Variants in PRMT8 observed in about 807,000 individuals in gnomAD.
The protein encoded by PRMT8 is protein arginine methyltransferase 8.
A neutral mutation model predicts 47.1 loss-of-function variants in PRMT8; 7 were observed. The ratio of observed to expected loss-of-function variants is 0.15; its 90% CI spans 0.08 to 0.28. The LOEUF is 0.28. Ranked by LOEUF, PRMT8 falls within the 10% of genes least tolerant of loss-of-function variation. PRMT8 has a pLI of 1.00. For missense variants in PRMT8, 237 were observed against 505.4 expected, an observed-to-expected ratio of 0.47 and a Z score of 5.09; for synonymous variants, 188 against 186.5, an observed-to-expected ratio of 1.01 and a Z score of -0.07.
intron 4 of PRMT8, among the ~76,000 whole-genome samples, chr12:3,559,542 A>T (rs2093124807): frequency 6.6e-6 from 1 of 152,204 alleles, no homozygotes; most frequent in African/African-American, 2.4e-5. Context: ...TTCAGTGTTA[A>T]CCAATACCAT....
intron 1 of PRMT8, among the ~76,000 whole-genome samples, chr12:3,395,021 G>T (rs1864234467): frequency 6.6e-6 from 1 of 151,836 alleles, no homozygotes; most frequent in Non-Finnish European, 1.5e-5. Context: ...AGTATTCTCT[G>T]ATGGTAGTTT....
At chr12:3,531,578 T>A (rs1010594899) in intron 1 of PRMT8, among the ~76,000 whole-genome samples, 1 of 152,000 alleles carries the variant, frequency 6.6e-6, no homozygotes, top group Non-Finnish European at 1.5e-5. Context: ...GTGGGTGCAA[T>A]GCCATTTTGA....
In PRMT8 at chr12:3,576,178, C is replaced by A. The variant is rs1866940676; in HGVS notation, c.713-693C>A. Among the ~76,000 whole-genome samples the A allele has an allele frequency of 6.6e-6, 1 of 152,140 alleles. No individual in the cohort carries two copies. Among genetic ancestry groups the A allele is most frequent in the Non-Finnish European group, 1.5e-5 (1 of 68,034 alleles). ...GCTGACAAGGAGAGGGTTTGTGCTC[C>A]ACTTGGGGGTAGTTCCTAATGGGGT... On this transcript the variant is annotated intron_variant, in intron 6 of 9. Coordinates refer to ENST00000382622, the MANE Select transcript of PRMT8 (RefSeq NM_019854.5). This position sits in a 1 kb window ranked among gnomAD's most constrained non-coding sequence, Gnocchi z 4.0.
chr12:3,396,521 G>C (rs1314671608), intron 1 of PRMT8, among the ~76,000 whole-genome samples: 2 of 152,152 alleles, frequency 1.3e-5, no homozygotes, highest in African/African-American at 4.8e-5. Context: ...TCTTTTCTTT[G>C]AGAACGTTGA....
chr12:3,586,754 G>T (rs1015974920), intron 8 of PRMT8, among the ~76,000 whole-genome samples: 2 of 152,172 alleles, frequency 1.3e-5, no homozygotes, highest in Admixed American at 6.5e-5. Flanking sequence ...TGAACCAGAG[G>T]GTTGAGAATT....
chr12:3,438,576 T>C (rs895877273), intron 1 of PRMT8, among the ~76,000 whole-genome samples: 2 of 152,244 alleles, frequency 1.3e-5, no homozygotes, highest in African/African-American at 4.8e-5. Context: ...CCACGAGGCC[T>C]CAGAGCCACC....
intron 1 of PRMT8, among the ~76,000 whole-genome samples, chr12:3,484,746 C>T (rs1439065353): frequency 6.6e-6 from 1 of 152,232 alleles, no homozygotes; most frequent in African/African-American, 2.4e-5. Context: ...CTCAGCCTCC[C>T]TCACACTTTG....
chr12:3,417,909 C>A (rs943948658), intron 1 of PRMT8, among the ~76,000 whole-genome samples: 1 of 152,260 alleles, frequency 6.6e-6, no homozygotes, highest in East Asian at 1.9e-4. Flanking sequence ...TTTCATATCC[C>A]GGCTCTGCTC....
intron 1 of PRMT8, among the ~76,000 whole-genome samples, chr12:3,443,542 C>T (rs918648693): frequency 2.6e-5 from 4 of 152,198 alleles, no homozygotes; most frequent in Non-Finnish European, 4.4e-5. Context: ...CTTTCCACTA[C>T]GTCCAGCCTG....
At chr12:3,400,109 C>A (rs991273089) in intron 1 of PRMT8, among the ~76,000 whole-genome samples, 2 of 151,906 alleles carry the variant, frequency 1.3e-5, no homozygotes, top group African/African-American at 4.8e-5. Flanking sequence ...AACTAGAGAA[C>A]CAAGAGCAAA....
intron 1 of PRMT8, among the ~76,000 whole-genome samples, chr12:3,449,556 T>C (rs1864896524): frequency 6.6e-6 from 1 of 152,256 alleles, no homozygotes; most frequent in Non-Finnish European, 1.5e-5. Context: ...TGTCTGTTCA[T>C]GTCCTTTGGC....
upstream of PRMT8, among the ~76,000 whole-genome samples, chr12:3,488,973 C>T (rs954401270): frequency 6.6e-6 from 1 of 152,156 alleles, no homozygotes; most frequent in East Asian, 1.9e-4. Context: ...TAAGACAGCT[C>T]AACAGGGGGC....
intron 1 of PRMT8, among the ~76,000 whole-genome samples, chr12:3,446,363 C>T (rs1461214330): frequency 1.3e-5 from 2 of 152,040 alleles, no homozygotes; most frequent in Non-Finnish European, 2.9e-5. Context: ...TCCTCTCGAC[C>T]TGCAGACTAC....
Position 3,418,716 on chromosome 12 carries a change from C to A in PRMT8, c.48+37274C>A, listed in dbSNP as rs533537100. On this transcript the variant is annotated intron_variant, in intron 1 of 9. Coordinates refer to the PRMT8 transcript ENST00000452611. ...TCCCCTCCCCACCTGAGATGCTCTG[C>A]CAGTTTCTCTTTCAGGTCATGGCTG... 1.6e-4 allele frequency among the ~76,000 whole-genome samples: 25 copies of A among 152,146 alleles called. No individual in the cohort carries two copies. The South Asian group carries it at 5.2e-3, about 32-fold the overall frequency.
chr12:3,386,620 T>C (rs1198630264), intron 1 of PRMT8, among the ~76,000 whole-genome samples: 1 of 152,216 alleles, frequency 6.6e-6, no homozygotes, highest in African/African-American at 2.4e-5. Flanking sequence ...AACAATGATT[T>C]AGTGAATACC....
At chr12:3,592,172 C>A in intron 8 of PRMT8, 59 bp from the exon 9 acceptor site, 2 of 1,516,994 alleles carry the variant, frequency 1.3e-6, no homozygotes, top group Non-Finnish European at 1.8e-6. Flanking sequence ...AGCCTCATCC[C>A]TTTGGAGACT....
intron 1 of PRMT8, among the ~76,000 whole-genome samples, chr12:3,442,847 T>C (rs1034619064): frequency 6.6e-6 from 1 of 151,966 alleles, no homozygotes; most frequent in East Asian, 1.9e-4. Flanking sequence ...TTAATAGAGA[T>C]GGGGTTTCAC....
chr12:3,585,834 T>C (rs1286139629), intron 8 of PRMT8, among the ~76,000 whole-genome samples: 1 of 152,108 alleles, frequency 6.6e-6, no homozygotes, highest in East Asian at 1.9e-4. Context: ...GATTTTACTT[T>C]GATCTTGAAG....
intron 8 of PRMT8, among the ~76,000 whole-genome samples, chr12:3,589,594 C>T (rs1219223048): frequency 6.6e-6 from 1 of 152,168 alleles, no homozygotes; most frequent in African/African-American, 2.4e-5. Context: ...TTGACTTTTA[C>T]TCAGCTTCTC....
Sources: allele counts gnomAD v4.1 joint callset (sites outside exome capture counted in the v4.1 genomes callset), GRCh38; gene constraint gnomAD v4.1.1; non-coding constraint Gnocchi (gnomAD v3.1); transcripts MANE v1.5; gene names NCBI Gene and HGNC (gene_info 2026-07-23, HGNC 2026-07-21).